Variants in R3HDM4 observed in about 807,000 individuals in gnomAD.
The protein encoded by R3HDM4 is R3H domain containing 4.
A neutral mutation model predicts 31.3 loss-of-function variants in R3HDM4; 30 were observed. The observed-to-expected ratio is 0.96, with a 90% CI of 0.72 to 1.30. R3HDM4 has a LOEUF of 1.30. Among genes scored for constraint, R3HDM4 ranks in the 50% most tolerant of loss-of-function variants. The probability of loss-of-function intolerance (pLI) is 0.00; values close to 1 mark genes in which losing one functional copy is unlikely to be tolerated. For synonymous variants in R3HDM4, 196 were observed against 156.6 expected, an observed-to-expected ratio of 1.25 and a Z score of -1.88; for missense variants, 444 against 366.1, an observed-to-expected ratio of 1.21 and a Z score of -1.74.
intron 7 of R3HDM4, among the ~76,000 whole-genome samples, chr19:898,981 G>A (rs948987000): frequency 6.6e-6 from 1 of 152,180 alleles, no homozygotes; most frequent in Non-Finnish European, 1.5e-5. Flanking sequence ...TCACTACGGG[G>A]GTGAGTTCTG....
chr19:898,004 A>G (rs1013712804), intron 7 of R3HDM4, among the ~76,000 whole-genome samples: 1 of 152,068 alleles, frequency 6.6e-6, no homozygotes, highest in African/African-American at 2.4e-5. Flanking sequence ...GCAGTGGCTC[A>G]TGCCTGTAAT....
In R3HDM4 at chr19:907,719, C is replaced by T. The variant is rs923362290; in HGVS notation, c.71+5368G>A. On this transcript the variant is annotated intron_variant, in intron 1 of 7. Coordinates refer to ENST00000361574, the MANE Select transcript of R3HDM4 (RefSeq NM_138774.4). The surrounding 1 kb of genome is among the most constrained non-coding windows in gnomAD (Gnocchi z 4.1). ...GTCCTTCCCCTGCTCCAGCACAGCC[C>T]ATGGCTCCCCAGCATCCCAGGGCCA... Among the ~76,000 whole-genome samples the T allele has an allele frequency of 6.6e-6, 1 of 152,188 alleles. No individual in the cohort carries two copies. The highest frequency in any genetic ancestry group is 1.5e-5 in the Non-Finnish European group (1 of 68,034).
intron 1 of R3HDM4, among the ~76,000 whole-genome samples, chr19:903,161 C>G (rs990089745): frequency 1.3e-5 from 2 of 151,942 alleles, no homozygotes; most frequent in Non-Finnish European, 2.9e-5. Context: ...TTGATTTTAT[C>G]CACATCCCCC....
intron 7 of R3HDM4, among the ~76,000 whole-genome samples, chr19:898,022 C>T (rs1327657766): frequency 6.6e-6 from 1 of 152,096 alleles, no homozygotes; most frequent in Non-Finnish European, 1.5e-5. Flanking sequence ...AATCCCAGCA[C>T]TCTGGGAGGC....
intron 4 of R3HDM4, 58 bp downstream of exon 4, chr19:900,769 CAG>C: frequency 1.5e-6 from 1 of 662,860 alleles, no homozygotes; most frequent in Non-Finnish European, 2.2e-6. Context: ...CCACCCACCC[CAG>C]GCCACGCCCC....
intron 1 of R3HDM4, among the ~76,000 whole-genome samples, chr19:912,088 G>T (rs2036979314): frequency 2.3e-5 from 1 of 42,976 alleles, no homozygotes; most frequent in African/African-American, 1.1e-4. Context: ...TGGGGGCGCG[G>T]CCCCGGGGAG....
Position 913,023 on chromosome 19 carries a change from G to T in R3HDM4, c.71+64C>A. 1 of 600,608 alleles carries T rather than the reference G, an allele frequency of 1.7e-6. No individual in the cohort carries two copies. The highest frequency in any genetic ancestry group is 2.1e-6 in the Non-Finnish European group (1 of 470,138). The allele number at this position is 600,608 out of a possible 1,614,324, so 37.2% of individuals were successfully genotyped here. On this transcript the variant is annotated intron_variant, in intron 1 of 7. Coordinates refer to ENST00000361574, the MANE Select transcript of R3HDM4 (RefSeq NM_138774.4). This position sits in a 1 kb window ranked among gnomAD's most constrained non-coding sequence, Gnocchi z 5.0. ...AGGAGGGGAGGGGAGGCGGGGAGAG[G>T]ATCTCAGGGGAGGGAGCCCAGCCCG... is the stretch of plus-strand genomic sequence containing the variant.
intron 7 of R3HDM4, among the ~76,000 whole-genome samples, chr19:898,824 C>T (rs944777206): frequency 6.6e-6 from 1 of 152,082 alleles, no homozygotes; most frequent in Admixed American, 6.6e-5. Context: ...ATGGGGGCTG[C>T]GTCTCCCACA....
chr19:900,808 C>T, intron 4 of R3HDM4, 21 bp downstream of exon 4: 3 of 1,446,374 alleles, frequency 2.1e-6, no homozygotes, highest in Non-Finnish European at 1.9e-6. Context: ...CCACCCATAC[C>T]CGCCCCAGCC....
chr19:897,167 G>GA lies in R3HDM4; in HGVS notation c.*269dup, dbSNP rs1428041242. On this transcript the variant is annotated 3_prime_UTR_variant, in exon 8 of 8. Transcript: ENST00000361574. ...CGGGCCAGAAAAGCTCAACGATGAA[G>GA]AAACAGGAACATGCCCAGGTCAGGT... 2.5e-6 allele frequency: 1 copy of GA among 395,532 alleles called. No individual in the cohort carries two copies. Among genetic ancestry groups the GA allele is most frequent in the Non-Finnish European group, 4.5e-6 (1 of 221,492 alleles). The allele number at this position is 395,532 out of a possible 1,614,324, so 24.5% of individuals were successfully genotyped here.
At chr19:906,082 T>A in intron 1 of R3HDM4, among the ~76,000 whole-genome samples, 1 of 152,224 alleles carries the variant, frequency 6.6e-6, no homozygotes, top group African/African-American at 2.4e-5. Flanking sequence ...TGGAGCGCAG[T>A]GGTGCGATCT....
intron 1 of R3HDM4, among the ~76,000 whole-genome samples, chr19:906,336 C>T (rs1050628490): frequency 1.3e-5 from 2 of 151,716 alleles, no homozygotes; most frequent in Non-Finnish European, 2.9e-5. Flanking sequence ...TCTCCTGCCT[C>T]AGCCTCCCGA....
chr19:900,858 C>A lies in R3HDM4; in HGVS notation c.446G>T (p.Gly149Val). 1 of 1,549,780 alleles carries A rather than the reference C, an allele frequency of 6.5e-7. No individual in the cohort carries two copies. The highest frequency in any genetic ancestry group is 8.7e-7 in the Non-Finnish European group (1 of 1,148,464). ...CCTCCGGTCCTCCCCACGGCCAGGGCCCCTCCTCCGCGCCTTGCTCCTGCC... is the reference window on the plus strand; with the variant it reads ...CCTCCGGTCCTCCCCACGGCCAGGGACCCTCCTCCGCGCCTTGCTCCTGCC... ...DEGRSKARRR[G>V]PGRGEDRRRE... The change falls in exon 4 of 8, where the codon GGC becomes GTC. Residue 149 changes from glycine to valine, a missense_variant. Transcript: ENST00000361574.
chr19:910,323 CAA>C (rs34077492), intron 1 of R3HDM4, among the ~76,000 whole-genome samples: 1 of 142,164 alleles, frequency 7.0e-6, no homozygotes. Context: ...GAAACCATCT[CAA>C]AAAAAAAAAA....
In R3HDM4 at chr19:899,713, G is replaced by T; in HGVS notation, c.562-27C>A. ...TGGGGAGAGCGGCCCGGTGGTCAGG[G>T]AACTGCGGGACCTGTGGGTGGGGGG... On this transcript the variant is annotated intron_variant, in intron 5 of 7. Transcript: ENST00000361574. This position sits in a 1 kb window ranked among gnomAD's most constrained non-coding sequence, Gnocchi z 6.8. The T allele has an allele frequency of 6.6e-7, 1 of 1,523,554 alleles. No individual in the cohort carries two copies. The highest frequency in any genetic ancestry group is 1.2e-5 in the South Asian group (1 of 80,498). 94.4% of individuals were successfully genotyped at this position (1,523,554 alleles called of 1,614,324 possible). A position where few individuals can be genotyped will look rare whatever the true frequency, so the allele number is the denominator to read the frequency against.
At chr19:911,131 A>T (rs2036967091) in intron 1 of R3HDM4, among the ~76,000 whole-genome samples, 1 of 142,634 alleles carries the variant, frequency 7.0e-6, no homozygotes, top group Non-Finnish European at 1.5e-5. Context: ...AAAAAAATAA[A>T]CAAATAAATA....
intron 1 of R3HDM4, among the ~76,000 whole-genome samples, chr19:910,861 T>G (rs1272031088): frequency 6.6e-6 from 1 of 152,198 alleles, no homozygotes; most frequent in Non-Finnish European, 1.5e-5. Context: ...GGCTCACGCC[T>G]GTAATCCCAG....
At chr19:903,145 A>G (rs2036857914) in intron 1 of R3HDM4, among the ~76,000 whole-genome samples, 1 of 152,054 alleles carries the variant, frequency 6.6e-6, no homozygotes, top group African/African-American at 2.4e-5. Flanking sequence ...TGGAGAGTCA[A>G]GAAACTTGAT....
At chr19:908,695 C>G (rs563225048) in intron 1 of R3HDM4, among the ~76,000 whole-genome samples, 2 of 152,304 alleles carry the variant, frequency 1.3e-5, no homozygotes, top group South Asian at 2.1e-4. Context: ...CAGGGAGCCC[C>G]GGTCTCTGCC....
Sources: gnomAD v4.1 joint callset for allele counts (sites outside exome capture counted in the v4.1 genomes callset) on GRCh38, gnomAD v4.1.1 for gene constraint, Gnocchi (gnomAD v3.1) non-coding constraint, MANE v1.5 for transcripts, NCBI Gene and HGNC (gene_info 2026-07-23, HGNC 2026-07-21) for gene names.